Variants in PI4KA observed in about 807,000 individuals in gnomAD.
PI4KA encodes the protein phosphatidylinositol 4-kinase alpha.
Under a neutral mutation model 271.4 loss-of-function variants are expected in PI4KA, and 122 were observed. The ratio of observed to expected loss-of-function variants is 0.45; its 90% CI spans 0.39 to 0.52. The LOEUF is 0.52. Among genes scored for constraint, PI4KA ranks in the 20% least tolerant of loss-of-function variants. The probability of loss-of-function intolerance (pLI) is 0.00; values close to 1 mark genes in which losing one functional copy is unlikely to be tolerated. For missense variants in PI4KA, 1,969 were observed against 2,769.1 expected (o/e 0.71, Z 6.48); for synonymous variants, 1,041 against 1,078.8 (o/e 0.96, Z 0.69).
At chr22:20,753,887 C>T (rs1447516177) in intron 23 of PI4KA, among the ~76,000 whole-genome samples, 3 of 152,104 alleles carry the variant, frequency 2.0e-5, no homozygotes, top group Admixed American at 2.0e-4. Flanking sequence ...AGGGTTTCAC[C>T]ACGTTGGCCA....
rs1204877500 is a variant in PI4KA, at chr22:20,787,007, G to A, written c.2328+6186C>T. On this transcript the variant is annotated intron_variant, in intron 19 of 54. Transcript: ENST00000255882. ...CCGCCCCTTTCTTTTCCTCATCTAC[G>A]AGCATCGCACCAGCTGCCTGCTCTT... The A allele has an allele frequency of 3.7e-6, 6 of 1,613,914 alleles. No homozygotes were observed. The highest frequency in any genetic ancestry group is 2.2e-5 in the East Asian group (1 of 44,876).
At chr22:20,831,694 C>G (rs1173688110) in intron 3 of PI4KA, among the ~76,000 whole-genome samples, 1 of 152,220 alleles carries the variant, frequency 6.6e-6, no homozygotes, top group Non-Finnish European at 1.5e-5. Context: ...CTGCTGTTAG[C>G]CTGGTGGGAC....
At chr22:20,812,838 G>C (rs548042719) in intron 8 of PI4KA, among the ~76,000 whole-genome samples, 1 of 152,310 alleles carries the variant, frequency 6.6e-6, no homozygotes, top group Admixed American at 6.5e-5. Flanking sequence ...ACTGGCATGA[G>C]CCACGGCGTC....
rs1925039647 is a variant in PI4KA at position 20,709,992 on chromosome 22, T to C, written c.6089A>G (p.Tyr2030Cys). 6.2e-7 allele frequency: 1 copy of C among 1,611,906 alleles called. No individual in the cohort carries two copies. Among genetic ancestry groups the C allele is most frequent in the African/African-American group, 1.3e-5 (1 of 74,862 alleles). ...GACCAGGGAGACGACCGCGTCCATGTAGGGCCTGGGGAGAGATAGGAGGGA... is the reference window on the plus strand; with the variant it reads ...GACCAGGGAGACGACCGCGTCCATGCAGGGCCTGGGGAGAGATAGGAGGGA... ...CVRGYLAVRP[Y>C]MDAVVSLVTL... The change falls in exon 53 of 55, where the codon TAC becomes TGC. Residue 2030 changes from tyrosine (Y) to cysteine (C), a missense_variant. Transcript: ENST00000255882.
At position 20,784,130 on chromosome 22, in the gene PI4KA, G is replaced by A. The variant is rs141555645; in HGVS notation, c.2328+9063C>T. ...CTGCGACATCCTCCAGCTGGAATAC[G>A]TGGGGGGCATCAGCATGCTAATTGT... is the stretch of plus-strand genomic sequence containing the variant. On this transcript the variant is annotated intron_variant, in intron 19 of 54. Transcript: ENST00000255882. 51 of 1,614,188 alleles carry A rather than the reference G, an allele frequency of 3.2e-5. 1 individual carries two copies. The highest frequency in any genetic ancestry group is 2.0e-4 in the African/African-American group (15 of 75,020).
intron 3 of PI4KA, among the ~76,000 whole-genome samples, chr22:20,826,444 T>A (rs1923435731): frequency 6.6e-6 from 1 of 152,242 alleles, no homozygotes; most frequent in African/African-American, 2.4e-5. Flanking sequence ...CTTTATCCAG[T>A]CTTCCACTGA....
chr22:20,780,328 T>G, intron 19 of PI4KA: 1 of 1,443,210 alleles, frequency 6.9e-7, no homozygotes, highest in Non-Finnish European at 9.7e-7. Context: ...CAAGATTGAC[T>G]CTGGAACGGG....
Position 20,748,201 on chromosome 22 carries a change from C to A in PI4KA, c.3244-499G>T, listed in dbSNP as rs112125367. 3.3e-3 allele frequency among the ~76,000 whole-genome samples: 510 copies of A among 152,356 alleles called. 1 individual carries two copies. The highest frequency in any genetic ancestry group is 0.017 in the Middle Eastern group (5 of 292). Reference sequence around the variant, plus strand: ...CAGCTACTGCTCATTTGACTGAGGACAAGGCCAATTCCCCGAGCGGCTGTC... The same window carrying A: ...CAGCTACTGCTCATTTGACTGAGGAAAAGGCCAATTCCCCGAGCGGCTGTC... On this transcript the variant is annotated intron_variant, in intron 28 of 54. Coordinates refer to ENST00000255882, the MANE Select transcript of PI4KA (RefSeq NM_058004.4).
intron 18 of PI4KA, among the ~76,000 whole-genome samples, chr22:20,793,658 G>A (rs974389178): frequency 8.5e-5 from 13 of 152,178 alleles, no homozygotes; most frequent in African/African-American, 3.1e-4. Context: ...AAGCTAGGAA[G>A]AAATCTGTCA....
chr22:20,815,404 A>G (rs1316470072), intron 7 of PI4KA, among the ~76,000 whole-genome samples: 3 of 151,176 alleles, frequency 2.0e-5, no homozygotes, highest in African/African-American at 4.9e-5. Context: ...AAAAAAACAA[A>G]TCAAAACAAA....
At chr22:20,781,825 G>A (rs979127409) in intron 19 of PI4KA, among the ~76,000 whole-genome samples, 3 of 152,184 alleles carry the variant, frequency 2.0e-5, no homozygotes, top group Non-Finnish European at 4.4e-5. Flanking sequence ...ACCACTTCTC[G>A]TTTGTGTGAC....
chr22:20,739,037 C>CAAAAAAA (rs1214493282), intron 32 of PI4KA, among the ~76,000 whole-genome samples: 3 of 45,632 alleles, frequency 6.6e-5, no homozygotes, highest in Admixed American at 2.7e-4. Context: ...GACTCAGTCA[C>CAAAAAAA]AAAAAAAAAA....
intron 7 of PI4KA, among the ~76,000 whole-genome samples, chr22:20,818,071 G>A (rs1407645384): frequency 7.5e-6 from 1 of 133,334 alleles, no homozygotes; most frequent in East Asian, 2.2e-4. Context: ...CCTGCAGTGA[G>A]CCGAGACTAC....
Position 20,800,984 on chromosome 22 carries a change from G to A in PI4KA, c.1724+989C>T, listed in dbSNP as rs1309408912. On this transcript the variant is annotated intron_variant, in intron 14 of 54. Transcript: ENST00000255882. ...CGGCTCACCGCAACCTCCGCCTCCC[G>A]GGTTCAAGTGATTCTCCTGCCTCAG... Among the ~76,000 whole-genome samples the A allele has an allele frequency of 1.7e-4, 26 of 148,918 alleles. 1 individual carries two copies. Among genetic ancestry groups the A allele is most frequent in the Admixed American group, 1.2e-3 (18 of 14,992 alleles).
In PI4KA at chr22:20,781,446, T is replaced by C. The variant is rs569100896; in HGVS notation, c.2328+11747A>G. ...TTCTGCTAGTTAGCTCCCGTGGTTTTATAGCAGCCCAGGCGAAGGAAGGAG... is the reference window on the plus strand; with the variant it reads ...TTCTGCTAGTTAGCTCCCGTGGTTTCATAGCAGCCCAGGCGAAGGAAGGAG... On this transcript the variant is annotated intron_variant, in intron 19 of 54. Transcript: ENST00000255882. Among the ~76,000 whole-genome samples the C allele has an allele frequency of 1.7e-3, 253 of 152,348 alleles. 9 individuals carry two copies. The South Asian group carries it at 0.051, about 31-fold the overall frequency.
Position 20,823,704 on chromosome 22 carries a change from C to T in PI4KA, c.456+622G>A, listed in dbSNP as rs545571828. ...CTATAATCCCAGCACTCTGGGAGGT[C>T]GAGGCAGAAGGATCACTTGAGGCCC... On this transcript the variant is annotated intron_variant, in intron 4 of 54. Coordinates refer to ENST00000255882, the MANE Select transcript of PI4KA (RefSeq NM_058004.4). 3.0e-4 allele frequency among the ~76,000 whole-genome samples: 45 copies of T among 152,178 alleles called. 1 individual carries two copies. The highest frequency in any genetic ancestry group is 1.0e-3 in the African/African-American group (43 of 41,526).
At chr22:20,735,488 G>C (rs1928604868) in intron 32 of PI4KA, among the ~76,000 whole-genome samples, 1 of 147,756 alleles carries the variant, frequency 6.8e-6, no homozygotes, top group African/African-American at 2.5e-5. Flanking sequence ...TCTCAGCCAG[G>C]GTCCCTGCTG....
chr22:20,712,038 G>A lies in PI4KA; in HGVS notation c.5802+448C>T, dbSNP rs142183793. On this transcript the variant is annotated intron_variant, in intron 50 of 54. Transcript: ENST00000255882. ...CATTACAGGCGTGAGCACTGCGCCC[G>A]GCCAGGTGCCCTGGTTTTTTTGTGT... 1.0e-4 allele frequency among the ~76,000 whole-genome samples: 15 copies of A among 147,228 alleles called. No homozygotes were observed. The East Asian group carries it at 2.4e-3, about 24-fold the overall frequency.
chr22:20,786,746 T>C (rs544128118), intron 19 of PI4KA: 2 of 955,648 alleles, frequency 2.1e-6, no homozygotes, highest in Non-Finnish European at 3.3e-6. Flanking sequence ...AGAGTGACTC[T>C]GACCAGCTGT....
Sources: allele counts gnomAD v4.1 joint callset (sites outside exome capture counted in the v4.1 genomes callset), GRCh38; gene constraint gnomAD v4.1.1; transcripts MANE v1.5; gene names NCBI Gene and HGNC (gene_info 2026-07-23, HGNC 2026-07-21).